C2CD5: variants seen among roughly 807,000 people sequenced by gnomAD.
C2CD5 encodes the protein C2 domain-containing protein 5.
In C2CD5, 109 loss-of-function variants were observed where a neutral mutation model predicts 130.3. The observed-to-expected ratio is 0.84, with a 90% CI of 0.72 to 0.98. The LOEUF (loss-of-function observed/expected upper bound fraction) is 0.98, where lower values mean the gene tolerates loss of function less well. C2CD5 is among the 50% of genes least tolerant of loss of function. C2CD5 has a pLI of 0.00. For synonymous variants in C2CD5, 454 were observed against 429.2 expected (o/e 1.06, Z -0.71); for missense variants, 996 against 1,261.8 (o/e 0.79, Z 3.19).
intron 9 of C2CD5, among the ~76,000 whole-genome samples, chr12:22,513,072 G>A (rs969122050): frequency 6.6e-6 from 1 of 151,868 alleles, no homozygotes; most frequent in African/African-American, 2.4e-5. Flanking sequence ...TCTGATAAAA[G>A]ATTAAACAAG....
chr12:22,503,821 T>C (rs1948122407), intron 10 of C2CD5, among the ~76,000 whole-genome samples: 1 of 152,212 alleles, frequency 6.6e-6, no homozygotes. Flanking sequence ...CAGAATGTGA[T>C]ACTTTAAATC....
chr12:22,536,100 C>T (rs567179068), intron 2 of C2CD5, among the ~76,000 whole-genome samples: 2 of 149,668 alleles, frequency 1.3e-5, no homozygotes, highest in South Asian at 4.2e-4. Context: ...GAACAACTTC[C>T]AAGATACATC....
intron 7 of C2CD5, chr12:22,519,048 C>T: frequency 7.0e-7 from 1 of 1,425,382 alleles, no homozygotes; most frequent in African/African-American, 1.4e-5. Context: ...ACCTGCCTGC[C>T]TGCCTCTGCA....
At chr12:22,506,923 T>TA in intron 9 of C2CD5, 104 bp from the exon 10 acceptor site, 1 of 699,876 alleles carries the variant, frequency 1.4e-6, no homozygotes, top group Non-Finnish European at 2.6e-6. Context: ...TCCCTTGAAA[T>TA]AAAAGGCCAC....
chr12:22,457,272 C>T, intron 24 of C2CD5, 111 bp from the exon 25 acceptor site: 1 of 627,522 alleles, frequency 1.6e-6, no homozygotes, highest in Non-Finnish European at 2.6e-6. Flanking sequence ...TGAGGCTAAG[C>T]CATGTCATGA....
At chr12:22,527,332 T>TATATA (rs199674957) in intron 4 of C2CD5, among the ~76,000 whole-genome samples, 115 of 107,522 alleles carry the variant, frequency 1.1e-3, no homozygotes, top group African/African-American at 4.0e-3. Context: ...ATATATATAT[T>TATATA]TTTTTTTTTT....
intron 9 of C2CD5, chr12:22,507,033 G>T: frequency 2.6e-6 from 1 of 387,000 alleles, no homozygotes; most frequent in African/African-American, 2.0e-5. Context: ...AGAATCCAAA[G>T]ACCCATTTCA....
chr12:22,472,698 TTA>T (rs755412936), intron 17 of C2CD5, 44 bp downstream of exon 17: 1 of 1,024,762 alleles, frequency 9.8e-7, no homozygotes, highest in Non-Finnish European at 1.6e-6. Flanking sequence ...GCTAAAACAT[TTA>T]TATGTAAAAC....
At chr12:22,481,236 G>C (rs899719409) in intron 14 of C2CD5, among the ~76,000 whole-genome samples, 4 of 151,922 alleles carry the variant, frequency 2.6e-5, no homozygotes, top group African/African-American at 9.7e-5. Context: ...TTACATTTTT[G>C]CTCTTAAAGA....
intron 14 of C2CD5, among the ~76,000 whole-genome samples, chr12:22,481,652 T>TC: frequency 7.0e-6 from 1 of 143,786 alleles, no homozygotes; most frequent in East Asian, 2.0e-4. Context: ...AACACACCTT[T>TC]TTTTTTTTTT....
chr12:22,534,851 T>C (rs903141311), intron 3 of C2CD5: 1 of 155,390 alleles, frequency 6.4e-6, no homozygotes, highest in Non-Finnish European at 1.4e-5. Context: ...ATAGCGGTGA[T>C]GGTAGCAAAA....
In C2CD5 at chr12:22,472,330, T is replaced by C. The variant is rs906496896; in HGVS notation, c.2125A>G (p.Thr709Ala). 3 of 1,467,284 alleles carry C rather than the reference T, an allele frequency of 2.0e-6. No individual in the cohort carries two copies. Among genetic ancestry groups the C allele is most frequent in the Non-Finnish European group, 2.8e-6 (3 of 1,065,740 alleles). 90.9% of individuals were successfully genotyped at this position (1,467,284 alleles called of 1,614,324 possible). A position where few individuals can be genotyped will look rare whatever the true frequency, so the allele number is the denominator to read the frequency against. Residue 709 changes from threonine (T) to alanine (A), a missense_variant, in exon 18 of 27, where the codon ACA (threonine) becomes GCA (alanine). Thr to Ala is a moderately conservative substitution (Grantham distance 58). Coordinates refer to ENST00000446597, the MANE Select transcript of C2CD5 (RefSeq NM_001286176.2). ...PPPSGFYSCN[T>A]EIMPGINNWT... ...TTATTTATACCGGGCATAATTTCTG[T>C]ATTACAACTATAAAAGCCTGTCAAA...
intron 22 of C2CD5, among the ~76,000 whole-genome samples, chr12:22,467,900 A>G (rs1169192170): frequency 6.6e-6 from 1 of 152,206 alleles, no homozygotes; most frequent in Non-Finnish European, 1.5e-5. Flanking sequence ...CAGAAGTGGA[A>G]AGTTGTCCTT....
chr12:22,457,340 A>G (rs1940107990), intron 24 of C2CD5, among the ~76,000 whole-genome samples, 179 bp from the exon 25 acceptor site: 1 of 152,180 alleles, frequency 6.6e-6, no homozygotes, highest in Non-Finnish European at 1.5e-5. Flanking sequence ...GAAAAACATG[A>G]GAGGAAATGC....
chr12:22,513,545 TCA>T (rs1270777557), intron 8 of C2CD5, among the ~76,000 whole-genome samples, 166 bp from the exon 9 acceptor site: 2 of 152,156 alleles, frequency 1.3e-5, no homozygotes, highest in African/African-American at 4.8e-5. Context: ...CTACTTTTAT[TCA>T]CAGTTTTCTT....
chr12:22,537,898 TC>T (rs751730884), intron 2 of C2CD5, among the ~76,000 whole-genome samples: 4 of 152,320 alleles, frequency 2.6e-5, no homozygotes, highest in South Asian at 4.1e-4. Context: ...CATTAATACT[TC>T]GCTTGTACAG....
intron 2 of C2CD5, among the ~76,000 whole-genome samples, chr12:22,541,023 C>T (rs1952323929): frequency 6.6e-6 from 1 of 152,138 alleles, no homozygotes; most frequent in African/African-American, 2.4e-5. Flanking sequence ...TCCTGGGTCT[C>T]ACAGTTGAGA....
intron 24 of C2CD5, among the ~76,000 whole-genome samples, chr12:22,458,134 C>T (rs192564704): frequency 1.0e-3 from 158 of 152,070 alleles, no homozygotes; most frequent in African/African-American, 2.8e-3. Flanking sequence ...CTTAATAAAC[C>T]GACAGATGCC....
intron 10 of C2CD5, among the ~76,000 whole-genome samples, chr12:22,495,571 A>C (rs961129016): frequency 3.3e-5 from 5 of 152,116 alleles, no homozygotes; most frequent in Admixed American, 1.3e-4. Context: ...GAACAAAAAA[A>C]AAAAAGCTGA....
Sources: gnomAD v4.1 joint callset for allele counts (sites outside exome capture counted in the v4.1 genomes callset) on GRCh38, gnomAD v4.1.1 for gene constraint, MANE v1.5 for transcripts, NCBI Gene and HGNC (gene_info 2026-07-23, HGNC 2026-07-21) for gene names.